APCDD1: variants seen among roughly 807,000 people sequenced by gnomAD.
APCDD1 encodes APC down-regulated 1.
APCDD1 carries 15 observed loss-of-function variants against 38.1 expected under a neutral mutation model. The ratio of observed to expected loss-of-function variants is 0.39; its 90% CI spans 0.26 to 0.61. APCDD1 has a LOEUF of 0.61. APCDD1 is among the 20% of genes least tolerant of loss of function. The pLI, the probability that APCDD1 is intolerant of heterozygous loss-of-function variation, is 0.49. For synonymous variants in APCDD1, 261 were observed against 279.7 expected (o/e 0.93, Z 0.67); for missense variants, 647 against 696.2 (o/e 0.93, Z 0.79).
chr18:10,474,789 G>A (rs921225809), intron 3 of APCDD1, among the ~76,000 whole-genome samples: 1 of 152,184 alleles, frequency 6.6e-6, no homozygotes, highest in African/African-American at 2.4e-5. Context: ...TCCCGTCAAT[G>A]TCCCTCTGCA....
chr18:10,457,158 C>T (rs2030403497), intron 1 of APCDD1, among the ~76,000 whole-genome samples: 1 of 152,102 alleles, frequency 6.6e-6, no homozygotes, highest in Non-Finnish European at 1.5e-5. Context: ...GACTCTAGTG[C>T]AGAAAATAAA....
Position 10,485,503 on chromosome 18 carries a change from G to A in APCDD1, c.816G>A (p.Arg272=). The A allele has an allele frequency of 2.5e-6, 4 of 1,614,118 alleles. No individual in the cohort carries two copies. In the East Asian group the frequency reaches 8.9e-5, roughly 36 times the overall value. The change falls in exon 4 of 5, where the codon CGG becomes CGA. Residue 272 remains arginine, a synonymous_variant. Coordinates refer to ENST00000355285, the MANE Select transcript of APCDD1 (RefSeq NM_153000.5). This position sits in a 1 kb window ranked among gnomAD's most constrained non-coding sequence, Gnocchi z 5.8. The part of the protein sequence containing the change: ...HACIACRIIY[R]SDEHHPPILP... ...GCATCGCCTGTCGGATCATCTATCG[G>A]TCAGACGAGCACCACCCTCCCATCC...
rs1270235562 is a variant in APCDD1, at chr18:10,485,959, A to C, written c.1096+176A>C. ...GCCCTCTGAGTTTCTCCCTGCTCAAAATGGATCAGGTGGACAGCCTCCACT... is the reference window on the plus strand; with the variant it reads ...GCCCTCTGAGTTTCTCCCTGCTCAACATGGATCAGGTGGACAGCCTCCACT... On this transcript the variant is annotated intron_variant, in intron 4 of 4. Coordinates refer to ENST00000355285, the MANE Select transcript of APCDD1 (RefSeq NM_153000.5). The surrounding 1 kb of genome is among the most constrained non-coding windows in gnomAD (Gnocchi z 5.8). Among the ~76,000 whole-genome samples, 1 of 152,154 alleles carries C rather than the reference A, an allele frequency of 6.6e-6. No homozygotes were observed. The highest frequency in any genetic ancestry group is 1.5e-5 in the Non-Finnish European group (1 of 68,032).
chr18:10,479,655 C>G lies in APCDD1; in HGVS notation c.775-5807C>G, dbSNP rs1376821034. The stretch of plus-strand genomic sequence containing the variant: ...CTAAGACCAAATTACCATCCTGGCT[C>G]CACTTTGGGTTTGTAAAGTCATCTG... On this transcript the variant is annotated intron_variant, in intron 3 of 4. Coordinates refer to ENST00000355285, the MANE Select transcript of APCDD1 (RefSeq NM_153000.5). 3.9e-5 allele frequency among the ~76,000 whole-genome samples: 6 copies of G among 152,290 alleles called. No homozygotes were observed. The East Asian group carries it at 9.7e-4, about 25-fold the overall frequency.
intron 1 of APCDD1, among the ~76,000 whole-genome samples, chr18:10,456,041 C>T (rs1407927092): frequency 6.6e-6 from 1 of 152,208 alleles, no homozygotes; most frequent in Admixed American, 6.5e-5. Context: ...TGCATGGTAG[C>T]CAGGACTGAA....
At chr18:10,459,681 T>TA (rs2030480326) in intron 1 of APCDD1, among the ~76,000 whole-genome samples, 3 of 152,204 alleles carry the variant, frequency 2.0e-5, no homozygotes, top group Admixed American at 1.3e-4. Flanking sequence ...CTGCAATACA[T>TA]ACATGCTTTT....
intron 3 of APCDD1, among the ~76,000 whole-genome samples, chr18:10,484,247 T>C (rs1252639223): frequency 6.6e-6 from 1 of 152,200 alleles, no homozygotes; most frequent in African/African-American, 2.4e-5. Context: ...AGTGTGCGCG[T>C]GTGCTTGCTG....
At position 10,454,679 on chromosome 18, in the gene APCDD1, C is replaced by T; in HGVS notation, c.-303C>T. ...GGTGGCGGTGGCGGCCACTGCAGCT[C>T]AGAGCGGCGCACGCGGCGGCCGGGG... is the stretch of plus-strand genomic sequence containing the variant. On this transcript the variant is annotated 5_prime_UTR_variant, in exon 1 of 5. Coordinates refer to ENST00000355285, the MANE Select transcript of APCDD1 (RefSeq NM_153000.5). The T allele has an allele frequency of 1.0e-6, 1 of 988,770 alleles. No individual in the cohort carries two copies. Among genetic ancestry groups the T allele is most frequent in the Non-Finnish European group, 1.2e-6 (1 of 832,810 alleles). The allele number at this position is 988,770 out of a possible 1,614,324, so 61.2% of individuals were successfully genotyped here.
chr18:10,463,030 G>C (rs988235702), intron 1 of APCDD1, among the ~76,000 whole-genome samples: 1 of 151,924 alleles, frequency 6.6e-6, no homozygotes, highest in Non-Finnish European at 1.5e-5. Context: ...CCCACTCTGC[G>C]TTAACAGATG....
Position 10,485,462 on chromosome 18 carries a change from A to C in APCDD1, c.775A>C (p.Asn259His). 1 of 1,613,924 alleles carries C rather than the reference A, an allele frequency of 6.2e-7. No homozygotes were observed. The highest frequency in any genetic ancestry group is 8.5e-7 in the Non-Finnish European group (1 of 1,180,022). Residue 259 changes from asparagine to histidine, a missense_variant and splice_region_variant, in exon 4 of 5, where the codon AAC becomes CAC. Asn to His is a moderately conservative substitution (Grantham distance 68). Transcript: ENST00000355285. The surrounding 1 kb of genome is among the most constrained non-coding windows in gnomAD (Gnocchi z 5.8). ...GAATGTGTTTGTTTCTTGGCTTCAGAACCACGACCATGCCTGCATCGCCTG... is the reference window on the plus strand; with the variant it reads ...GAATGTGTTTGTTTCTTGGCTTCAGCACCACGACCATGCCTGCATCGCCTG... The part of the protein sequence containing the change: ...SYQPPLQNAK[N>H]HDHACIACRI...
intron 4 of APCDD1, 77 bp from the exon 5 acceptor site, chr18:10,487,513 G>A: frequency 7.1e-7 from 1 of 1,414,208 alleles, no homozygotes; most frequent in Non-Finnish European, 1.0e-6. Flanking sequence ...TTAGAGTGTG[G>A]CCAGTGTTTT....
chr18:10,462,556 G>T (rs1272080491), intron 1 of APCDD1, among the ~76,000 whole-genome samples: 1 of 36,374 alleles, frequency 2.7e-5, no homozygotes, highest in Non-Finnish European at 4.9e-5. Context: ...CTTCCTTCCT[G>T]TGACCCTCCC....
chr18:10,460,206 A>T (rs1429089821), intron 1 of APCDD1, among the ~76,000 whole-genome samples: 1 of 152,216 alleles, frequency 6.6e-6, no homozygotes, highest in Non-Finnish European at 1.5e-5. Context: ...ATTCATCTAG[A>T]TAATTCAGAT....
chr18:10,477,892 C>T (rs1017619133), intron 3 of APCDD1: 1 of 152,138 alleles, frequency 6.6e-6, no homozygotes, highest in Non-Finnish European at 1.5e-5. Flanking sequence ...TTCTTAAAGT[C>T]TTTTCTCTTA....
rs1031584830 is a variant in APCDD1, at chr18:10,455,049, C to T, written c.58+10C>T. ...GCCCTCCTGCTTCACGGTGAGTTCCCGAGGGCCACTCGAGCGCTCCCAGCC... is the reference window on the plus strand; with the variant it reads ...GCCCTCCTGCTTCACGGTGAGTTCCTGAGGGCCACTCGAGCGCTCCCAGCC... On this transcript the variant is annotated intron_variant, in intron 1 of 4. Transcript: ENST00000355285. 15 of 1,561,196 alleles carry T rather than the reference C, an allele frequency of 9.6e-6. No homozygotes were observed. Among genetic ancestry groups the T allele is most frequent in the African/African-American group, 4.1e-5 (3 of 73,348 alleles).
chr18:10,483,476 A>G (rs1211264517), intron 3 of APCDD1, among the ~76,000 whole-genome samples: 1 of 152,148 alleles, frequency 6.6e-6, no homozygotes, highest in Non-Finnish European at 1.5e-5. Flanking sequence ...CTGAAGTGCA[A>G]CTCTATGCCC....
chr18:10,464,233 C>T (rs1312857252), intron 1 of APCDD1, among the ~76,000 whole-genome samples: 1 of 151,734 alleles, frequency 6.6e-6, no homozygotes, highest in South Asian at 2.1e-4. Context: ...CCCTAACTTC[C>T]TTCCCAGAAC....
At chr18:10,484,880 ATGGG>A (rs1296492168) in intron 3 of APCDD1, among the ~76,000 whole-genome samples, 2 of 152,204 alleles carry the variant, frequency 1.3e-5, no homozygotes, top group Non-Finnish European at 2.9e-5. Flanking sequence ...TGATGTGAAC[ATGGG>A]TGTGCAAATA....
chr18:10,463,029 C>T (rs1335219320), intron 1 of APCDD1, among the ~76,000 whole-genome samples: 2 of 152,078 alleles, frequency 1.3e-5, no homozygotes, highest in Non-Finnish European at 2.9e-5. Flanking sequence ...CCCCACTCTG[C>T]GTTAACAGAT....
Sources: allele counts gnomAD v4.1 joint callset (sites outside exome capture counted in the v4.1 genomes callset), GRCh38; gene constraint gnomAD v4.1.1; non-coding constraint Gnocchi (gnomAD v3.1); transcripts MANE v1.5; gene names NCBI Gene and HGNC (gene_info 2026-07-23, HGNC 2026-07-21).